The following TNIP3 variants were observed in gnomAD, a reference collection of about 807,000 sequenced individuals.
TNIP3 encodes the protein TNFAIP3-interacting protein 3.
A neutral mutation model predicts 54.1 loss-of-function variants in TNIP3; 34 were observed. The ratio of observed to expected loss-of-function variants is 0.63; its 90% CI spans 0.48 to 0.84. The LOEUF is 0.84. Among genes scored for constraint, TNIP3 ranks in the 40% least tolerant of loss-of-function variants. The probability of loss-of-function intolerance (pLI) is 0.00; values close to 1 mark genes in which losing one functional copy is unlikely to be tolerated. For synonymous variants in TNIP3, 134 were observed against 136.8 expected, an observed-to-expected ratio of 0.98 and a Z score of 0.14; for missense variants, 366 against 387.6, an observed-to-expected ratio of 0.94 and a Z score of 0.47.
intron 1 of TNIP3, among the ~76,000 whole-genome samples, chr4:121,225,934 T>C (rs1445548401): frequency 6.6e-6 from 1 of 152,142 alleles, no homozygotes; most frequent in Non-Finnish European, 1.5e-5. Context: ...GGAGTCATAT[T>C]TAACAGTCAA....
rs146263175 is a variant in TNIP3 at position 121,194,349 on chromosome 4, T to G, written c.69-11553A>C. On this transcript the variant is annotated intron_variant, in intron 2 of 12. Coordinates refer to the TNIP3 transcript ENST00000507879. ...TATAAGTGCAAAAAAGCAATTAAAA[T>G]ATTAAACCTAAAAGATAAGATCTGA... Among the ~76,000 whole-genome samples the G allele has an allele frequency of 1.6e-3, 246 of 152,296 alleles. 2 individuals are homozygous for G. Among genetic ancestry groups the G allele is most frequent in the African/African-American group, 5.8e-3 (240 of 41,584 alleles).
chr4:121,190,269 T>C (rs1725237698), intron 2 of TNIP3, among the ~76,000 whole-genome samples: 1 of 152,234 alleles, frequency 6.6e-6, no homozygotes, highest in African/African-American at 2.4e-5. Flanking sequence ...TTTAGTATCC[T>C]TTGAATTATA....
intron 6 of TNIP3, 53 bp downstream of exon 6, chr4:121,150,050 T>G (rs200765017): frequency 8.7e-7 from 1 of 1,145,606 alleles, no homozygotes; most frequent in Non-Finnish European, 1.3e-6. Context: ...CAAAGAAGCA[T>G]GAAAAATGGG....
intron 4 of TNIP3, among the ~76,000 whole-genome samples, chr4:121,156,881 G>A (rs993929679): frequency 1.3e-5 from 2 of 152,166 alleles, no homozygotes; most frequent in African/African-American, 4.8e-5. Context: ...AAACCAGGAG[G>A]AAGCCGGCAG....
chr4:121,174,832 G>A (rs1312881552), intron 3 of TNIP3, among the ~76,000 whole-genome samples: 1 of 152,212 alleles, frequency 6.6e-6, no homozygotes, highest in Non-Finnish European at 1.5e-5. Context: ...AGGTGGACAT[G>A]AGAATGACAC....
At chr4:121,168,579 G>T (rs1211457835), upstream of TNIP3, among the ~76,000 whole-genome samples, 2 of 149,094 alleles carry the variant, frequency 1.3e-5, no homozygotes, top group Non-Finnish European at 3.0e-5. Flanking sequence ...GGAGTGCAGT[G>T]GTACAATCAT....
chr4:121,147,107 T>A lies in TNIP3; in HGVS notation c.677A>T (p.Glu226Val), dbSNP rs371692869. 8.1e-6 allele frequency: 13 copies of A among 1,613,346 alleles called. No individual in the cohort carries two copies. Among genetic ancestry groups the A allele is most frequent in the Non-Finnish European group, 1.1e-5 (13 of 1,179,646 alleles). The change falls in exon 7 of 11, where the codon GAG becomes GTG. Residue 226 changes from glutamate to valine, a missense_variant. Transcript: ENST00000057513. ...AGTTTCATTAATTTGCTGTAGCTCCTCTTTCTCTTGATTAAGTCTCTCTCG... is the reference window on the plus strand; with the variant it reads ...AGTTTCATTAATTTGCTGTAGCTCCACTTTCTCTTGATTAAGTCTCTCTCG... Reference protein sequence around the residue: ...SDRERLNQEKEELQQINETSQ... With the variant: ...SDRERLNQEKVELQQINETSQ...
At chr4:121,227,243 T>C in intron 1 of TNIP3, 1 of 644,278 alleles carries the variant, frequency 1.6e-6, no homozygotes, top group Non-Finnish European at 2.6e-6. Flanking sequence ...ATCTTAATTG[T>C]TAATATTACT....
chr4:121,166,124 C>T (rs901040308), upstream of TNIP3, among the ~76,000 whole-genome samples: 3 of 152,192 alleles, frequency 2.0e-5, no homozygotes, highest in Non-Finnish European at 4.4e-5. Context: ...TGAGTCTCCC[C>T]TGTAAAATAT....
At chr4:121,161,480 A>G (rs1455137693) in intron 1 of TNIP3, among the ~76,000 whole-genome samples, 3 of 152,232 alleles carry the variant, frequency 2.0e-5, no homozygotes, top group Non-Finnish European at 4.4e-5. Context: ...TCTGTATACT[A>G]TAACGGGTAA....
chr4:121,163,976 C>T, intron 1 of TNIP3, 84 bp downstream of exon 1: 1 of 1,495,218 alleles, frequency 6.7e-7, no homozygotes, highest in Non-Finnish European at 9.1e-7. Context: ...CATTTCTGTT[C>T]TTATTAATAA....
At chr4:121,227,465 T>C (rs1727306721) in exon 1 of TNIP3, 1 of 1,310,468 alleles carries the variant, frequency 7.6e-7, no homozygotes, top group African/African-American at 1.5e-5. Flanking sequence ...TTTAAGACTC[T>C]TTGAATCAAA....
At chr4:121,151,712 G>A (rs1467945278) in intron 5 of TNIP3, among the ~76,000 whole-genome samples, 1 of 151,920 alleles carries the variant, frequency 6.6e-6, no homozygotes, top group African/African-American at 2.4e-5. Context: ...GACTACTTTT[G>A]TAGATCTTGT....
chr4:121,149,886 A>G (rs528465033), intron 6 of TNIP3, among the ~76,000 whole-genome samples: 41 of 152,306 alleles, frequency 2.7e-4, no homozygotes, highest in South Asian at 1.0e-3. Flanking sequence ...TAAGCATTTA[A>G]TCTGTCTGAA....
intron 2 of TNIP3, among the ~76,000 whole-genome samples, chr4:121,183,694 C>A (rs573356144): frequency 6.6e-6 from 1 of 152,054 alleles, no homozygotes; most frequent in African/African-American, 2.4e-5. Context: ...AATCCTATTG[C>A]GAACTGCACA....
chr4:121,192,384 C>G (rs1250374006), intron 2 of TNIP3, among the ~76,000 whole-genome samples: 1 of 152,206 alleles, frequency 6.6e-6, no homozygotes, highest in Non-Finnish European at 1.5e-5. Context: ...ATGGCACGTT[C>G]CCAGTCCCTT....
intron 2 of TNIP3, among the ~76,000 whole-genome samples, chr4:121,203,085 C>T (rs1725979422): frequency 6.6e-6 from 1 of 151,906 alleles, no homozygotes; most frequent in Non-Finnish European, 1.5e-5. Flanking sequence ...GATATCTACC[C>T]AGAGGAAAGG....
chr4:121,180,239 A>G (rs1724604885), intron 3 of TNIP3, among the ~76,000 whole-genome samples: 1 of 152,152 alleles, frequency 6.6e-6, no homozygotes, highest in Admixed American at 6.5e-5. Flanking sequence ...TCTCTACTAA[A>G]AATACAAAAA....
At chr4:121,138,495 T>G (rs549032244) in intron 10 of TNIP3, 129 bp downstream of exon 10, 1 of 822,636 alleles carries the variant, frequency 1.2e-6, no homozygotes, top group African/African-American at 1.7e-5. Context: ...CAAATTAAAG[T>G]TATGTATGTA....
Sources: allele counts gnomAD v4.1 joint callset (sites outside exome capture counted in the v4.1 genomes callset), GRCh38; gene constraint gnomAD v4.1.1; transcripts MANE v1.5; gene names NCBI Gene and HGNC (gene_info 2026-07-23, HGNC 2026-07-21).